The following RAPGEF1 variants were observed in gnomAD, a reference collection of about 807,000 sequenced individuals.
RAPGEF1 encodes the protein CRK SH3-binding GNRP.
Under a neutral mutation model 143.3 loss-of-function variants are expected in RAPGEF1, and 33 were observed. That is an observed-to-expected ratio of 0.23 (90% CI 0.17 to 0.31). The LOEUF (loss-of-function observed/expected upper bound fraction) is 0.31. Ranked by LOEUF, RAPGEF1 falls within the 10% of genes least tolerant of loss-of-function variation. RAPGEF1 has a pLI of 1.00. For synonymous variants in RAPGEF1, 629 were observed against 676.5 expected (o/e 0.93, Z 1.09); for missense variants, 1,199 against 1,645.4 (o/e 0.73, Z 4.69).
At position 131,675,002 on chromosome 9, in the gene RAPGEF1, G is replaced by A. The variant is rs1832064760; in HGVS notation, c.62-24053C>T. On this transcript the variant is annotated intron_variant, in intron 1 of 26. Transcript: ENST00000683357. The surrounding 1 kb of genome is among the most constrained non-coding windows in gnomAD (Gnocchi z 4.6). ...AGAAGCAGACTCCTGGGATGTGCAG[G>A]GACACTGGGGGGTTCTGGAGGAGCA... is the stretch of plus-strand genomic sequence containing the variant. 6.6e-6 allele frequency among the ~76,000 whole-genome samples: 1 copy of A among 152,166 alleles called. No individual in the cohort carries two copies. Among genetic ancestry groups the A allele is most frequent in the Admixed American group, 6.5e-5 (1 of 15,282 alleles).
intron 1 of RAPGEF1, among the ~76,000 whole-genome samples, chr9:131,704,639 C>G (rs1834913306): frequency 6.6e-6 from 1 of 152,064 alleles, no homozygotes. Context: ...TTTGCAATTA[C>G]TGCTGCAATT....
At chr9:131,587,554 C>T (rs1360156874) in intron 22 of RAPGEF1, among the ~76,000 whole-genome samples, 182 bp downstream of exon 22, 1 of 152,174 alleles carries the variant, frequency 6.6e-6, no homozygotes, top group Non-Finnish European at 1.5e-5. Context: ...TCCAGCAAGC[C>T]CCATCCTGTC....
intron 1 of RAPGEF1, among the ~76,000 whole-genome samples, chr9:131,712,570 G>A (rs1372505256): frequency 1.3e-5 from 2 of 152,172 alleles, no homozygotes; most frequent in Non-Finnish European, 2.9e-5. Context: ...CAGGAGCCGT[G>A]TCTGGGGCAG....
chr9:131,643,280 G>A lies in RAPGEF1; in HGVS notation c.453C>T (p.Ala151=). 6.2e-7 allele frequency: 1 copy of A among 1,612,962 alleles called. No homozygotes were observed. The highest frequency in any genetic ancestry group is 8.5e-7 in the Non-Finnish European group (1 of 1,179,650). ...LPGSASKVLE[A]ILPLVQNDPR... is the part of the protein sequence containing the mutation. ...GATCGTTCTGCACCAGGGGTAAGATGGCCTCCAGCACCTTGCTGGCTGACC... is the reference window on the plus strand; with the variant it reads ...GATCGTTCTGCACCAGGGGTAAGATAGCCTCCAGCACCTTGCTGGCTGACC... The change falls in exon 4 of 27, where the codon GCC becomes GCT. Residue 151 remains alanine (A), a synonymous_variant. Transcript: ENST00000683357.
intron 1 of RAPGEF1, among the ~76,000 whole-genome samples, chr9:131,681,978 G>A (rs967881194): frequency 1.3e-5 from 2 of 152,172 alleles, no homozygotes; most frequent in African/African-American, 4.8e-5. Flanking sequence ...CGACTGCCAG[G>A]CTGCTCTGCG....
At chr9:131,627,213 CAAAAAAAAAAAAAAAA>C (rs10690802) in intron 9 of RAPGEF1, among the ~76,000 whole-genome samples, 74 of 97,386 alleles carry the variant, frequency 7.6e-4, no homozygotes, top group Admixed American at 9.2e-4. Flanking sequence ...GGCTCTGTCT[CAAAAAAAAAAAAAAAA>C]AAAAAAAAAA....
At position 131,619,272 on chromosome 9, in the gene RAPGEF1, C is replaced by T. The variant is rs957974773; in HGVS notation, c.1906-66G>A. ...GGAGAGAAGCAGAGAACAGTCAGGT[C>T]CGTGCAGGGAAAGGCCGTGGAGGTT... On this transcript the variant is annotated intron_variant, in intron 11 of 26. Transcript: ENST00000683357. The T allele has an allele frequency of 3.2e-6, 4 of 1,248,262 alleles. No individual in the cohort carries two copies. The African/African-American group carries it at 6.2e-5, about 19-fold the overall frequency. The allele number at this position is 1,248,262 out of a possible 1,614,324, so 77.3% of individuals were successfully genotyped here.
intron 1 of RAPGEF1, among the ~76,000 whole-genome samples, chr9:131,678,471 A>G (rs547984105): frequency 3.5e-4 from 54 of 152,390 alleles, no homozygotes; most frequent in African/African-American, 1.3e-3. Flanking sequence ...TGATAACTTT[A>G]TATCAATACA....
intron 1 of RAPGEF1, among the ~76,000 whole-genome samples, chr9:131,701,657 A>G (rs1834658694): frequency 6.6e-6 from 1 of 152,250 alleles, no homozygotes; most frequent in Non-Finnish European, 1.5e-5. Flanking sequence ...TGTAACATGT[A>G]AATATAAAAT....
intron 14 of RAPGEF1, 70 bp downstream of exon 14, chr9:131,603,891 G>T: frequency 1.0e-6 from 1 of 977,388 alleles, no homozygotes; most frequent in Non-Finnish European, 1.4e-6. Context: ...GGGGGAAGCG[G>T]CCTCGGGAGG....
rs1295879182 is a variant in RAPGEF1 at position 131,605,148 on chromosome 9, G to A, written c.2102C>T (p.Pro701Leu). ...VFRSYSQDFV[P>L]HHQASVPPFL... Reference sequence around the variant, plus strand: ...AGGCGGAACGGAAGCTTGGTGGTGAGGCACGAAATCCTGGGAGTAGGACCT... The same window carrying A: ...AGGCGGAACGGAAGCTTGGTGGTGAAGCACGAAATCCTGGGAGTAGGACCT... Residue 701 changes from proline to leucine, a missense_variant, in exon 13 of 27, where the codon CCT becomes CTT. Transcript: ENST00000683357. 7.3e-7 allele frequency: 1 copy of A among 1,361,860 alleles called. No individual in the cohort carries two copies. The highest frequency in any genetic ancestry group is 1.9e-5 in the Admixed American group (1 of 51,950). 84.4% of individuals were successfully genotyped at this position (1,361,860 alleles called of 1,614,324 possible). A position where few individuals can be genotyped will look rare whatever the true frequency, so the allele number is the denominator to read the frequency against.
Position 131,739,903 on chromosome 9 carries a change from C to A in RAPGEF1, c.-73G>T, listed in dbSNP as rs1198023874. The A allele has an allele frequency of 5.7e-6, 5 of 878,424 alleles. No homozygotes were observed. The highest frequency in any genetic ancestry group is 4.1e-6 in the Non-Finnish European group (3 of 734,854). The allele number at this position is 878,424 out of a possible 1,614,324, so 54.4% of individuals were successfully genotyped here. A position where few individuals can be genotyped will look rare whatever the true frequency, so the allele number is the denominator to read the frequency against. On this transcript the variant is annotated 5_prime_UTR_variant, in exon 1 of 27. Coordinates refer to ENST00000683357, the MANE Select transcript of RAPGEF1 (RefSeq NM_001377935.1). ...CGCTCGCCTCGGCCCTGGCTCGCCA[C>A]GCCTCAGACCCGCGCCGGCATGGCG... is the stretch of plus-strand genomic sequence containing the variant.
chr9:131,735,705 C>A (rs1375491267), intron 1 of RAPGEF1, among the ~76,000 whole-genome samples: 2 of 152,136 alleles, frequency 1.3e-5, no homozygotes, highest in Non-Finnish European at 2.9e-5. Context: ...AGTGGGCCGT[C>A]GGAGGTGTGG....
At chr9:131,592,068 C>T (rs371611100) in intron 18 of RAPGEF1, 31 bp downstream of exon 18, 237 of 1,541,712 alleles carry the variant, frequency 1.5e-4, no homozygotes, top group Non-Finnish European at 1.9e-4. Context: ...GCCCATGGTG[C>T]AGGGGCCCTG....
In RAPGEF1 at chr9:131,650,955, A is replaced by G. The variant is rs1211747516; in HGVS notation, c.62-6T>C. ...GAGATGAGAACGCTGAGAGTCTGAA[A>G]ACAAAGAGGGTACTGACTGTTAGAT... On this transcript the variant is annotated splice_region_variant and splice_polypyrimidine_tract_variant and intron_variant, in intron 1 of 26. Coordinates refer to ENST00000683357, the MANE Select transcript of RAPGEF1 (RefSeq NM_001377935.1). The surrounding 1 kb of genome is among the most constrained non-coding windows in gnomAD (Gnocchi z 4.7). The G allele has an allele frequency of 1.2e-6, 2 of 1,613,410 alleles. No homozygotes were observed. The highest frequency in any genetic ancestry group is 1.7e-6 in the Non-Finnish European group (2 of 1,179,638).
Position 131,578,499 on chromosome 9 carries a change from C to G in RAPGEF1, c.*998G>C, listed in dbSNP as rs914763640. The G allele has an allele frequency of 3.9e-5, 6 of 152,564 alleles. No individual in the cohort carries two copies. Among genetic ancestry groups the G allele is most frequent in the African/African-American group, 1.4e-4 (6 of 41,434 alleles). 9.5% of individuals were successfully genotyped at this position (152,564 alleles called of 1,614,324 possible). ...AGGTCTGAAGAGCCAGAGGAGGAGC[C>G]CTGCTGGCTGGCCCAGGATGGGGCA... On this transcript the variant is annotated 3_prime_UTR_variant, in exon 27 of 27. Coordinates refer to ENST00000683357, the MANE Select transcript of RAPGEF1 (RefSeq NM_001377935.1).
chr9:131,711,357 T>C (rs931389897), intron 1 of RAPGEF1, among the ~76,000 whole-genome samples: 5 of 136,422 alleles, frequency 3.7e-5, no homozygotes, highest in Admixed American at 1.5e-4. Flanking sequence ...GTGCCTATTA[T>C]CACCTTTTTT....
At chr9:131,636,145 A>G (rs1297092971) in intron 5 of RAPGEF1, among the ~76,000 whole-genome samples, 2 of 152,184 alleles carry the variant, frequency 1.3e-5, no homozygotes, top group East Asian at 1.9e-4. Flanking sequence ...TGGCAGCGCT[A>G]TACCACATGG....
At chr9:131,642,350 G>A (rs1029625471) in intron 4 of RAPGEF1, among the ~76,000 whole-genome samples, 1 of 152,144 alleles carries the variant, frequency 6.6e-6, no homozygotes, top group African/African-American at 2.4e-5. Flanking sequence ...CAGGGCTCAC[G>A]AACCCTTGAC....
Sources: allele counts gnomAD v4.1 joint callset (sites outside exome capture counted in the v4.1 genomes callset), GRCh38; gene constraint gnomAD v4.1.1; non-coding constraint Gnocchi (gnomAD v3.1); transcripts MANE v1.5; gene names NCBI Gene and HGNC (gene_info 2026-07-23, HGNC 2026-07-21).